The following NDUFAF6 variants were observed in gnomAD, a reference collection of about 807,000 sequenced individuals.
NDUFAF6 encodes the protein NADH:ubiquinone oxidoreductase complex assembly factor 6, also known as NADH dehydrogenase (ubiquinone) complex I, assembly factor 6.
In NDUFAF6, 45 loss-of-function variants were observed where a neutral mutation model predicts 40.8. The ratio of observed to expected loss-of-function variants is 1.10; its 90% CI spans 0.87 to 1.42. The LOEUF is 1.42. Ranked by LOEUF, NDUFAF6 falls within the 40% of genes most tolerant of loss-of-function variation. NDUFAF6 has a pLI of 0.00. For synonymous variants in NDUFAF6, 185 were observed against 155.9 expected, an observed-to-expected ratio of 1.19 and a Z score of -1.39; for missense variants, 435 against 418.5, an observed-to-expected ratio of 1.04 and a Z score of -0.34.
At chr8:94,987,663 A>G (rs1825990607) in intron 2 of NDUFAF6, among the ~76,000 whole-genome samples, 1 of 152,230 alleles carries the variant, frequency 6.6e-6, no homozygotes, top group Non-Finnish European at 1.5e-5. Flanking sequence ...GCTTAGGGGA[A>G]CAGGGGTCCT....
In NDUFAF6 at chr8:94,961,905, G is replaced by A. The variant is rs577141430; in HGVS notation, c.-199+3726G>A. Reference sequence around the variant, plus strand: ...CAGCTGCATCAAAATCCCCTGGAGGGCTTGTTGTATCACAGATTGCCAGGG... The same window carrying A: ...CAGCTGCATCAAAATCCCCTGGAGGACTTGTTGTATCACAGATTGCCAGGG... On this transcript the variant is annotated intron_variant, in intron 1 of 9. Transcript: ENST00000396111. 3.3e-5 allele frequency among the ~76,000 whole-genome samples: 5 copies of A among 152,304 alleles called. No homozygotes were observed. The East Asian group carries it at 9.6e-4, about 29-fold the overall frequency.
chr8:94,993,965 A>G (rs938460970), intron 2 of NDUFAF6, among the ~76,000 whole-genome samples: 1 of 152,164 alleles, frequency 6.6e-6, no homozygotes, highest in Non-Finnish European at 1.5e-5. Context: ...GGAAGGGGAA[A>G]AGGTCTTCTG....
intron 2 of NDUFAF6, among the ~76,000 whole-genome samples, chr8:95,091,878 G>A (rs1279187471): frequency 1.4e-5 from 2 of 148,056 alleles, no homozygotes; most frequent in African/African-American, 5.0e-5. Flanking sequence ...GGTCTCAAGC[G>A]ATACTTCCAC....
intron 8 of NDUFAF6, among the ~76,000 whole-genome samples, chr8:95,055,611 G>A (rs1832025208): frequency 6.6e-6 from 1 of 152,016 alleles, no homozygotes; most frequent in Non-Finnish European, 1.5e-5. Flanking sequence ...TATATTAAGG[G>A]ATAAAAAAGC....
At chr8:94,976,947 T>A (rs1334572299) in intron 1 of NDUFAF6, among the ~76,000 whole-genome samples, 1 of 151,518 alleles carries the variant, frequency 6.6e-6, no homozygotes, top group African/African-American at 2.4e-5. Flanking sequence ...GTCCAAGAGT[T>A]TGAGATCAGC....
intron 9 of NDUFAF6, chr8:95,068,896 A>G (rs1832764550): frequency 6.6e-6 from 1 of 151,324 alleles, no homozygotes; most frequent in South Asian, 2.1e-4. Flanking sequence ...CAAATTCAAT[A>G]GTGTCTTTCC....
intron 2 of NDUFAF6, among the ~76,000 whole-genome samples, chr8:95,014,361 G>A (rs1047219505): frequency 6.6e-6 from 1 of 152,218 alleles, no homozygotes; most frequent in Non-Finnish European, 1.5e-5. Context: ...TCTGGTGGGA[G>A]AATGCTTGGC....
At chr8:95,078,658 A>AC (rs1434290595), downstream of NDUFAF6, 2 of 62,700 alleles carry the variant, frequency 3.2e-5, no homozygotes, top group Admixed American at 2.2e-4. Flanking sequence ...TTAAAAAAAA[A>AC]AAAAATATAT....
chr8:94,922,571 C>T (rs1008769048), intron 1 of NDUFAF6, among the ~76,000 whole-genome samples: 6 of 151,840 alleles, frequency 4.0e-5, no homozygotes, highest in Middle Eastern at 3.4e-3. Context: ...CTCCGCCTCC[C>T]GGGTTCAAGC....
intron 1 of NDUFAF6, among the ~76,000 whole-genome samples, chr8:94,979,847 C>T (rs747816114): frequency 3.9e-5 from 6 of 152,188 alleles, no homozygotes; most frequent in Admixed American, 2.0e-4. Flanking sequence ...GTAATCCCAG[C>T]ACTTTGGGAG....
intron 1 of NDUFAF6, among the ~76,000 whole-genome samples, chr8:94,939,172 T>C (rs776879929): frequency 6.6e-5 from 10 of 152,218 alleles, no homozygotes; most frequent in Non-Finnish European, 1.2e-4. Flanking sequence ...CATCATTTGA[T>C]GAGATGTAGC....
intron 1 of NDUFAF6, among the ~76,000 whole-genome samples, chr8:94,902,882 G>A (rs1187247436): frequency 6.6e-6 from 1 of 151,732 alleles, no homozygotes; most frequent in Non-Finnish European, 1.5e-5. Context: ...TTTTAGTAGA[G>A]ACTACTAAAT....
At chr8:94,973,892 A>G (rs1824701279) in intron 1 of NDUFAF6, among the ~76,000 whole-genome samples, 1 of 151,362 alleles carries the variant, frequency 6.6e-6, no homozygotes, top group Non-Finnish European at 1.5e-5. Context: ...CAGACATGGA[A>G]TCTTTGATCT....
chr8:94,932,252 G>A (rs886169522), intron 1 of NDUFAF6: 12 of 803,926 alleles, frequency 1.5e-5, no homozygotes, highest in Non-Finnish European at 2.4e-5. Flanking sequence ...AAGATAACAT[G>A]TAAAACCTTC....
At chr8:94,981,922 T>C (rs1825476199) in intron 2 of NDUFAF6, among the ~76,000 whole-genome samples, 1 of 146,568 alleles carries the variant, frequency 6.8e-6, no homozygotes, top group Admixed American at 6.8e-5. Flanking sequence ...AGTGAGACCC[T>C]GTCTCAAAAA....
intron 2 of NDUFAF6, among the ~76,000 whole-genome samples, chr8:95,018,544 C>T (rs1827561775): frequency 6.6e-6 from 1 of 151,706 alleles, no homozygotes; most frequent in South Asian, 2.1e-4. Flanking sequence ...CCTCAAGGTG[C>T]TCCCAATCTG....
intron 1 of NDUFAF6, among the ~76,000 whole-genome samples, chr8:94,972,907 T>C (rs1824593175): frequency 6.6e-6 from 1 of 151,262 alleles, no homozygotes; most frequent in Non-Finnish European, 1.5e-5. Context: ...CAAAAATAAA[T>C]AATAAATAAA....
downstream of NDUFAF6, among the ~76,000 whole-genome samples, chr8:95,106,943 T>G (rs185658234): frequency 0.013 from 1,951 of 152,266 alleles, 20 homozygotes; most frequent in Non-Finnish European, 0.02. Context: ...GATACCATCT[T>G]ACACCAGTTA....
chr8:94,913,537 C>A (rs948497366), intron 1 of NDUFAF6, among the ~76,000 whole-genome samples: 1 of 152,142 alleles, frequency 6.6e-6, no homozygotes, highest in Admixed American at 6.5e-5. Context: ...TGGCTCACGC[C>A]GGTAATCCCA....
Sources: gnomAD v4.1 joint callset for allele counts (sites outside exome capture counted in the v4.1 genomes callset) on GRCh38, gnomAD v4.1.1 for gene constraint, MANE v1.5 for transcripts, NCBI Gene and HGNC (gene_info 2026-07-23, HGNC 2026-07-21) for gene names.